PELI1: variants seen among roughly 807,000 people sequenced by gnomAD.
PELI1 encodes pellino E3 ubiquitin protein ligase 1, also known as E3 ubiquitin-protein ligase pellino homolog 1.
PELI1 carries 15 observed loss-of-function variants against 41.3 expected under a neutral mutation model. That is an observed-to-expected ratio of 0.36 (90% CI 0.24 to 0.56). PELI1 has a LOEUF of 0.56. Ranked by LOEUF, PELI1 falls within the 20% of genes least tolerant of loss-of-function variation. The pLI is 0.82. For missense variants in PELI1, 403 were observed against 525.5 expected (o/e 0.77, Z 2.28); for synonymous variants, 178 against 180.1 (o/e 0.99, Z 0.09).
At chr2:64,110,899 C>G (rs2103695876) in intron 1 of PELI1, among the ~76,000 whole-genome samples, 1 of 150,458 alleles carries the variant, frequency 6.6e-6, no homozygotes, top group Admixed American at 6.6e-5. Flanking sequence ...GCACTCCAGC[C>G]TGGGTGACAG....
At chr2:64,137,901 T>A (rs1681770307) in intron 1 of PELI1, among the ~76,000 whole-genome samples, 1 of 152,152 alleles carries the variant, frequency 6.6e-6, no homozygotes, top group Non-Finnish European at 1.5e-5. Context: ...TATTGAGTAA[T>A]GCTAGTATTG....
chr2:64,116,992 GTGCCCTGAA>G (rs1398825916), intron 1 of PELI1, among the ~76,000 whole-genome samples: 1 of 152,076 alleles, frequency 6.6e-6, no homozygotes, highest in Non-Finnish European at 1.5e-5. Flanking sequence ...CTGTTTGGGG[GTGCCCTGAA>G]TTGTGTCCAT....
intron 1 of PELI1, among the ~76,000 whole-genome samples, chr2:64,122,696 A>G (rs764276320): frequency 1.3e-5 from 2 of 152,194 alleles, no homozygotes; most frequent in Non-Finnish European, 2.9e-5. Context: ...TTGCTATTCT[A>G]CAGTACATTT....
chr2:64,139,773 TCAC>T (rs1681837352), intron 1 of PELI1, among the ~76,000 whole-genome samples: 1 of 152,212 alleles, frequency 6.6e-6, no homozygotes, highest in South Asian at 2.1e-4. Flanking sequence ...AGTCCACCGC[TCAC>T]CAACAGCAGA....
chr2:64,122,441 G>A (rs797006235), intron 1 of PELI1, among the ~76,000 whole-genome samples: 1 of 151,140 alleles, frequency 6.6e-6, no homozygotes, highest in South Asian at 2.1e-4. Context: ...TTTTCTTACG[G>A]ACCTATTTTT....
intron 1 of PELI1, among the ~76,000 whole-genome samples, chr2:64,140,660 T>C (rs1276010628): frequency 6.6e-6 from 1 of 151,928 alleles, no homozygotes; most frequent in African/African-American, 2.4e-5. Flanking sequence ...AACACTGTGC[T>C]TTCTCTTTAT....
chr2:64,124,637 A>C (rs1681328801), intron 1 of PELI1, among the ~76,000 whole-genome samples: 1 of 152,202 alleles, frequency 6.6e-6, no homozygotes, highest in African/African-American at 2.4e-5. Context: ...TGGAATTTTA[A>C]ATCTCATAAT....
At chr2:64,130,101 C>T (rs1256846378) in intron 1 of PELI1, among the ~76,000 whole-genome samples, 1 of 152,104 alleles carries the variant, frequency 6.6e-6, no homozygotes, top group African/African-American at 2.4e-5. Context: ...TTTGAATCCA[C>T]CATAATTCCA....
At chr2:64,137,500 C>T (rs750303500) in intron 1 of PELI1, among the ~76,000 whole-genome samples, 5 of 151,766 alleles carry the variant, frequency 3.3e-5, no homozygotes, top group African/African-American at 9.7e-5. Context: ...TGTGTGTGTG[C>T]GCATTTTGTG....
intron 1 of PELI1, among the ~76,000 whole-genome samples, chr2:64,110,399 C>T (rs2103694888): frequency 6.6e-6 from 1 of 151,572 alleles, no homozygotes; most frequent in South Asian, 2.1e-4. Flanking sequence ...CAGGTGCTGA[C>T]AAAAATGGAA....
At chr2:64,120,647 C>T (rs1576090635) in intron 1 of PELI1, among the ~76,000 whole-genome samples, 1 of 152,220 alleles carries the variant, frequency 6.6e-6, no homozygotes, top group East Asian at 1.9e-4. Flanking sequence ...AATGGCTATC[C>T]AGACAATTTC....
At chr2:64,107,197 G>C (rs1262061922) in intron 2 of PELI1, among the ~76,000 whole-genome samples, 3 of 152,162 alleles carry the variant, frequency 2.0e-5, no homozygotes, top group Non-Finnish European at 4.4e-5. Context: ...CCACCTGTAA[G>C]CTGGGATTAC....
chr2:64,124,965 T>C (rs1681338090), intron 1 of PELI1, among the ~76,000 whole-genome samples: 1 of 152,088 alleles, frequency 6.6e-6, no homozygotes, highest in African/African-American at 2.4e-5. Context: ...GTTCCATAAT[T>C]TACTGGTACA....
chr2:64,140,548 T>C (rs991927234), intron 1 of PELI1, among the ~76,000 whole-genome samples: 2 of 152,054 alleles, frequency 1.3e-5, no homozygotes, highest in African/African-American at 4.8e-5. Context: ...TTTCTGAAGG[T>C]AGGTAAGCTA....
chr2:64,117,036 A>C (rs1681019821), intron 1 of PELI1, among the ~76,000 whole-genome samples: 1 of 152,108 alleles, frequency 6.6e-6, no homozygotes, highest in East Asian at 1.9e-4. Flanking sequence ...TTAATTGATA[A>C]ATGCTGAGTG....
intron 1 of PELI1, among the ~76,000 whole-genome samples, chr2:64,112,771 A>T (rs75176680): frequency 0.041 from 6,199 of 152,290 alleles, 142 homozygotes; most frequent in African/African-American, 0.073. Flanking sequence ...TAATCAATCA[A>T]TATACAACTG....
rs1215823519 is a variant in PELI1 at position 64,092,710 on chromosome 2, G to C, written c.*1992C>G. 3 of 152,100 alleles carry C rather than the reference G, an allele frequency of 2.0e-5. No individual in the cohort carries two copies. The highest frequency in any genetic ancestry group is 7.2e-5 in the African/African-American group (3 of 41,404). The allele number at this position is 152,100 out of a possible 1,614,324, so 9.4% of individuals were successfully genotyped here. ...AAGAGATGCTTTTAAAAAAGAACCA[G>C]ATACTTTAAAGTGTTACATTAAATG... On this transcript the variant is annotated 3_prime_UTR_variant, in exon 7 of 7. Transcript: ENST00000358912.
chr2:64,131,630 T>C (rs1023725850), intron 1 of PELI1, among the ~76,000 whole-genome samples: 11 of 152,032 alleles, frequency 7.2e-5, no homozygotes, highest in African/African-American at 2.7e-4. Context: ...TTTTTTTTTT[T>C]TTTAAATTGA....
chr2:64,102,845 TTTTTTTTTTTA>T (rs1054803009), intron 3 of PELI1, among the ~76,000 whole-genome samples: 1 of 133,764 alleles, frequency 7.5e-6, no homozygotes, highest in African/African-American at 2.7e-5. Flanking sequence ...CTTTTTTTTT[TTTTTTTTTTTA>T]AACTGAGACA....
Sources: allele counts gnomAD v4.1 joint callset (sites outside exome capture counted in the v4.1 genomes callset), GRCh38; gene constraint gnomAD v4.1.1; transcripts MANE v1.5; gene names NCBI Gene and HGNC (gene_info 2026-07-23, HGNC 2026-07-21).